The following ANKFY1 variants were observed in gnomAD, a reference collection of about 807,000 sequenced individuals.
The protein encoded by ANKFY1 is ankyrin repeat and FYVE domain containing 1.
In ANKFY1, 47 loss-of-function variants were observed where a neutral mutation model predicts 128.3. The ratio of observed to expected loss-of-function variants is 0.37; its 90% confidence interval spans 0.29 to 0.47. ANKFY1 has a LOEUF of 0.47. ANKFY1 is among the 20% of genes least tolerant of loss of function. ANKFY1 has a pLI of 1.00. For synonymous variants in ANKFY1, 553 were observed against 601.6 expected, an observed-to-expected ratio of 0.92 and a Z score of 1.18; for missense variants, 1,222 against 1,510.6, an observed-to-expected ratio of 0.81 and a Z score of 3.17.
intron 1 of ANKFY1, among the ~76,000 whole-genome samples, chr17:4,249,758 C>T (rs1295811092): frequency 6.6e-6 from 1 of 152,174 alleles, no homozygotes; most frequent in Non-Finnish European, 1.5e-5. Context: ...TGCCTCCCAC[C>T]CCTAGACAAA....
In ANKFY1 at chr17:4,223,222, T is replaced by C. The variant is rs1283168995; in HGVS notation, c.323-6104A>G. ...ACAGAAATCTTCTTCCTATTACTCA[T>C]GGGTGTATACGAGAAAAGCCCATGG... On this transcript the variant is annotated intron_variant, in intron 3 of 24. Coordinates refer to ENST00000341657, the MANE Select transcript of ANKFY1 (RefSeq NM_001330063.2). 5.1e-6 allele frequency: 4 copies of C among 786,988 alleles called. No homozygotes were observed. In the East Asian group the frequency reaches 9.8e-5, roughly 19 times the overall value. The allele number at this position is 786,988 out of a possible 1,614,324, so 48.8% of individuals were successfully genotyped here.
intron 7 of ANKFY1, among the ~76,000 whole-genome samples, chr17:4,201,479 A>ATTTTT (rs59058325): frequency 1.5e-5 from 2 of 135,692 alleles, no homozygotes; most frequent in African/African-American, 2.7e-5. Flanking sequence ...CCTGTGTCTG[A>ATTTTT]TTTTTTTTTT....
At chr17:4,229,986 T>C (rs561236666) in intron 3 of ANKFY1, among the ~76,000 whole-genome samples, 86 of 152,368 alleles carry the variant, frequency 5.6e-4, no homozygotes, top group South Asian at 1.4e-3. Flanking sequence ...TATTCTTTTT[T>C]ACTCCTTTTT....
At chr17:4,214,030 T>C (rs565680050) in intron 4 of ANKFY1, among the ~76,000 whole-genome samples, 1 of 152,350 alleles carries the variant, frequency 6.6e-6, no homozygotes, top group African/African-American at 2.4e-5. Flanking sequence ...TTTCAGAAGC[T>C]TTTACCATTT....
At chr17:4,235,533 G>C (rs187796287) in intron 3 of ANKFY1, among the ~76,000 whole-genome samples, 3 of 152,146 alleles carry the variant, frequency 2.0e-5, no homozygotes, top group African/African-American at 7.2e-5. Context: ...GGACATTGCA[G>C]ATACTCAAAT....
chr17:4,197,546 C>T lies in ANKFY1; in HGVS notation c.930G>A (p.Lys310=). ...GDLFAATFLI[K]NGAFVNAATL... Reference sequence around the variant, plus strand: ...TAGCAGCGTTGACAAAGGCCCCATTCTTAATGAGGAAAGTGGCAGCAAAGA... The same window carrying T: ...TAGCAGCGTTGACAAAGGCCCCATTTTTAATGAGGAAAGTGGCAGCAAAGA... The change falls in exon 8 of 25, where the codon AAG becomes AAA. Residue 310 remains lysine (K), a synonymous_variant. Coordinates refer to ENST00000341657, the MANE Select transcript of ANKFY1 (RefSeq NM_001330063.2). 6.2e-7 allele frequency: 1 copy of T among 1,614,156 alleles called. No individual in the cohort carries two copies. The highest frequency in any genetic ancestry group is 8.5e-7 in the Non-Finnish European group (1 of 1,180,026).
At chr17:4,225,307 A>C (rs9903636) in intron 3 of ANKFY1, among the ~76,000 whole-genome samples, 5,905 of 152,224 alleles carry the variant, frequency 0.039, 389 homozygotes, top group African/African-American at 0.13. Flanking sequence ...CAGTGACCCA[A>C]GATCACATCA....
intron 2 of ANKFY1, among the ~76,000 whole-genome samples, chr17:4,240,671 C>T (rs532450812): frequency 1.3e-5 from 2 of 152,328 alleles, no homozygotes; most frequent in South Asian, 4.1e-4. Context: ...GGATTACAGG[C>T]ATGCGCCACT....
At chr17:4,175,784 C>G (rs549958904) in intron 19 of ANKFY1, among the ~76,000 whole-genome samples, 2 of 152,332 alleles carry the variant, frequency 1.3e-5, no homozygotes, top group South Asian at 4.1e-4. Flanking sequence ...GGCCCCACAG[C>G]TGGTTAACTG....
chr17:4,222,362 C>A, intron 3 of ANKFY1: 2 of 776,554 alleles, frequency 2.6e-6, no homozygotes, highest in Admixed American at 3.4e-5. Context: ...ATTCACTACG[C>A]TCTGTCCTTT....
At chr17:4,190,267 C>T (rs533750102) in intron 10 of ANKFY1, among the ~76,000 whole-genome samples, 1 of 152,092 alleles carries the variant, frequency 6.6e-6, no homozygotes, top group Non-Finnish European at 1.5e-5. Flanking sequence ...ATGGTGAAAA[C>T]CTGTCTCTAC....
intron 14 of ANKFY1, 48 bp downstream of exon 14, chr17:4,183,350 C>T: frequency 6.3e-7 from 1 of 1,593,280 alleles, no homozygotes; most frequent in African/African-American, 1.3e-5. Context: ...TTTGACATCT[C>T]AATTAATTGT....
intron 3 of ANKFY1, among the ~76,000 whole-genome samples, chr17:4,234,413 A>G (rs979017321): frequency 3.3e-5 from 5 of 152,238 alleles, no homozygotes; most frequent in African/African-American, 9.6e-5. Flanking sequence ...GACTGTTTTC[A>G]AGTCTACTTG....
chr17:4,171,992 A>G (rs1260099696), intron 22 of ANKFY1, among the ~76,000 whole-genome samples: 2 of 152,124 alleles, frequency 1.3e-5, no homozygotes, highest in African/African-American at 2.4e-5. Context: ...TGCTTCCCTT[A>G]TGAGGCTGCC....
In ANKFY1 at chr17:4,181,238, C is replaced by T. The variant is rs2059509754; in HGVS notation, c.2240+16G>A. On this transcript the variant is annotated intron_variant, in intron 16 of 24. Coordinates refer to ENST00000341657, the MANE Select transcript of ANKFY1 (RefSeq NM_001330063.2). This position sits in a 1 kb window ranked among gnomAD's most constrained non-coding sequence, Gnocchi z 4.9. ...CTCACTAAAAAGCTGTGGAGAGATA[C>T]TGGGGACTCTCAGACCTGCGAATAA... 9 of 1,601,126 alleles carry T rather than the reference C, an allele frequency of 5.6e-6. No individual in the cohort carries two copies. Among genetic ancestry groups the T allele is most frequent in the Non-Finnish European group, 7.7e-6 (9 of 1,168,356 alleles).
At chr17:4,246,752 T>TCGA (rs1967561809) in intron 1 of ANKFY1, among the ~76,000 whole-genome samples, 1 of 152,202 alleles carries the variant, frequency 6.6e-6, no homozygotes, top group Non-Finnish European at 1.5e-5. Context: ...ACTTAAACTG[T>TCGA]TGATCTGCAA....
chr17:4,207,589 C>T (rs912347236), intron 6 of ANKFY1, among the ~76,000 whole-genome samples: 3 of 151,798 alleles, frequency 2.0e-5, no homozygotes, highest in African/African-American at 7.3e-5. Flanking sequence ...TAAGGCAATA[C>T]ATTTGTGTTG....
At chr17:4,244,329 A>G (rs973367343) in intron 1 of ANKFY1, among the ~76,000 whole-genome samples, 14 of 152,232 alleles carry the variant, frequency 9.2e-5, no homozygotes, top group African/African-American at 3.4e-4. Flanking sequence ...AGGTAAAAAC[A>G]GCTATGAGAG....
At chr17:4,241,785 C>T (rs536105251) in intron 2 of ANKFY1, among the ~76,000 whole-genome samples, 15 of 152,002 alleles carry the variant, frequency 9.9e-5, no homozygotes, top group African/African-American at 3.6e-4. Flanking sequence ...AAGCAGTGAA[C>T]GAGAGACACA....
Sources: gnomAD v4.1 joint callset for allele counts (sites outside exome capture counted in the v4.1 genomes callset) on GRCh38, gnomAD v4.1.1 for gene constraint, Gnocchi (gnomAD v3.1) non-coding constraint, MANE v1.5 for transcripts, NCBI Gene and HGNC (gene_info 2026-07-23, HGNC 2026-07-21) for gene names.